Variants in MYH2 observed in about 807,000 individuals in gnomAD.
MYH2 encodes myosin heavy chain 2.
MYH2 carries 139 observed loss-of-function variants against 228.1 expected under a neutral mutation model. The ratio of observed to expected loss-of-function variants is 0.61; its 90% CI spans 0.53 to 0.70. The LOEUF (loss-of-function observed/expected upper bound fraction) is 0.70, where lower values mean the gene tolerates loss of function less well. Ranked by LOEUF, MYH2 falls within the 30% of genes least tolerant of loss-of-function variation. The probability of loss-of-function intolerance (pLI) is 0.00; values close to 1 mark genes in which losing one functional copy is unlikely to be tolerated. For missense variants in MYH2, 1,809 were observed against 2,357.5 expected (o/e 0.77, Z 4.82); for synonymous variants, 796 against 871.1 (o/e 0.91, Z 1.52).
intron 10 of MYH2, among the ~76,000 whole-genome samples, chr17:10,542,257 A>G (rs1200166140): frequency 2.0e-5 from 3 of 149,468 alleles, no homozygotes; most frequent in Non-Finnish European, 4.5e-5. Context: ...CTGGGTGACA[A>G]AGTGAGACTC....
At chr17:10,543,565 G>A (rs2073586310) in intron 8 of MYH2, 146 bp downstream of exon 8, 1 of 1,248,126 alleles carries the variant, frequency 8.0e-7, no homozygotes, top group Non-Finnish European at 1.1e-6. Flanking sequence ...ATGGGGCTTT[G>A]ATCTATGTTA....
chr17:10,546,779 TAAA>T (rs56672222), intron 4 of MYH2, among the ~76,000 whole-genome samples: 30 of 114,422 alleles, frequency 2.6e-4, no homozygotes, highest in African/African-American at 9.3e-4. Flanking sequence ...AATTTGTTTT[TAAA>T]AAAAAAAAAA....
chr17:10,534,312 G>A (rs571703367), intron 19 of MYH2, among the ~76,000 whole-genome samples: 3 of 152,332 alleles, frequency 2.0e-5, no homozygotes, highest in Non-Finnish European at 4.4e-5. Flanking sequence ...CAAAGGAAAT[G>A]ACAGAAAATG....
chr17:10,534,993 A>G (rs2073466650), intron 19 of MYH2, 80 bp downstream of exon 19: 15 of 1,459,978 alleles, frequency 1.0e-5, no homozygotes, highest in Admixed American at 1.7e-5. Context: ...GTAGAGGCAT[A>G]TGTTTCACTA....
At chr17:10,539,834 G>C in intron 12 of MYH2, 94 bp downstream of exon 12, 1 of 1,552,524 alleles carries the variant, frequency 6.4e-7, no homozygotes, top group Non-Finnish European at 8.9e-7. Flanking sequence ...ATTCTTAAAA[G>C]TGAATTTACC....
chr17:10,528,047 C>CTTTTTTTTT (rs71365770), intron 27 of MYH2, among the ~76,000 whole-genome samples, 173 bp from the exon 28 acceptor site: 10 of 131,854 alleles, frequency 7.6e-5, no homozygotes, highest in East Asian at 2.3e-4. Context: ...TTCTTTCTTT[C>CTTTTTTTTT]TTTTTTTTTT....
chr17:10,544,860 G>A (rs1024365945), intron 5 of MYH2, among the ~76,000 whole-genome samples: 3 of 152,110 alleles, frequency 2.0e-5, no homozygotes, highest in Non-Finnish European at 4.4e-5. Context: ...TGGGCAAAGG[G>A]CGATAGCATT....
At position 10,525,571 on chromosome 17, in the gene MYH2, G is replaced by A; in HGVS notation, c.4417C>T (p.Leu1473Phe). The A allele has an allele frequency of 6.2e-7, 1 of 1,614,208 alleles. No homozygotes were observed. The highest frequency in any genetic ancestry group is 8.5e-7 in the Non-Finnish European group (1 of 1,180,034). Residue 1473 changes from leucine (L) to phenylalanine (F), a missense_variant, in exon 32 of 40, where the codon CTT (leucine) becomes TTT (phenylalanine). Physicochemically the swap from Leu to Phe is conservative, Grantham distance 22. This residue lies in a region of MYH2 where 636 missense variants were observed against 729.9 expected (regional missense o/e 0.87). Coordinates refer to ENST00000245503, the MANE Select transcript of MYH2 (RefSeq NM_017534.6). This position sits in a 1 kb window ranked among gnomAD's most constrained non-coding sequence, Gnocchi z 4.2. Reference sequence around the variant, plus strand: ...CGGGCCTCCTTCTGGGAGGCCTCAAGCTCAGCATGCGTTTCCTCACATTTC... The same window carrying A: ...CGGGCCTCCTTCTGGGAGGCCTCAAACTCAGCATGCGTTTCCTCACATTTC... Reference protein sequence around the residue: ...KQKCEETHAELEASQKEARSL... With the variant: ...KQKCEETHAEFEASQKEARSL...
At chr17:10,542,809 A>T (rs1220778383) in intron 10 of MYH2, 66 bp downstream of exon 10, 2 of 1,073,464 alleles carry the variant, frequency 1.9e-6, no homozygotes, top group Middle Eastern at 2.6e-4. Flanking sequence ...ATAGAATACT[A>T]GGTTGGACTG....
chr17:10,532,233 A>G (rs2142304037), intron 21 of MYH2, among the ~76,000 whole-genome samples: 1 of 152,262 alleles, frequency 6.6e-6, no homozygotes, highest in South Asian at 2.1e-4. Context: ...CTGATGTTGC[A>G]AGTCCAAGGA....
Position 10,523,147 on chromosome 17 carries a change from A to G in MYH2, c.5616T>C (p.Asp1872=), listed in dbSNP as rs2073304426. The G allele has an allele frequency of 3.1e-6, 5 of 1,614,092 alleles. No individual in the cohort carries two copies. Among genetic ancestry groups the G allele is most frequent in the Non-Finnish European group, 4.2e-6 (5 of 1,179,956 alleles). Reference sequence around the variant, plus strand: ...CTTTTGCCTGAAGTTTATCTACCAAATCTTGAAGCCTGAGAATATTCTTTC... The same window carrying G: ...CTTTTGCCTGAAGTTTATCTACCAAGTCTTGAAGCCTGAGAATATTCTTTC... ...EDRKNILRLQ[D]LVDKLQAKVK... The change falls in exon 39 of 40, where the codon GAT becomes GAC. Residue 1872 remains aspartate (D), a synonymous_variant. Transcript: ENST00000245503.
At position 10,524,529 on chromosome 17, in the gene MYH2, G is replaced by C; in HGVS notation, c.5112C>G (p.Ser1704Arg). Residue 1704 changes from serine (S) to arginine (R), a missense_variant, in exon 35 of 40, where the codon AGC (serine) becomes AGG (arginine). Transcript: ENST00000245503. This position sits in a 1 kb window ranked among gnomAD's most constrained non-coding sequence, Gnocchi z 4.7. ...GGAGCTCCTGTTCTGCGATTTTTCT[G>C]CTCCTCTCTGTCTGTTCCAGAGTGG... ...LRATLEQTER[S>R]RKIAEQELLD... 1 of 1,614,178 alleles carries C rather than the reference G, an allele frequency of 6.2e-7. No homozygotes were observed.
intron 19 of MYH2, among the ~76,000 whole-genome samples, chr17:10,534,141 C>A (rs548426671): frequency 6.6e-6 from 1 of 152,272 alleles, no homozygotes; most frequent in South Asian, 2.1e-4. Context: ...CAGCTGCTAC[C>A]CAGTCCTTCC....
chr17:10,543,836 G>A (rs1427167368), intron 7 of MYH2, 33 bp from the exon 8 acceptor site: 1 of 1,613,714 alleles, frequency 6.2e-7, no homozygotes, highest in Non-Finnish European at 8.5e-7. Flanking sequence ...TGCATCTGGG[G>A]CTTGGGAATT....
intron 8 of MYH2, among the ~76,000 whole-genome samples, chr17:10,543,504 G>T (rs1299241113): frequency 6.6e-6 from 1 of 151,682 alleles, no homozygotes. Flanking sequence ...AGTAAGTGTA[G>T]ATCATGACAG....
At position 10,524,395 on chromosome 17, in the gene MYH2, T is replaced by A. The variant is rs767756077; in HGVS notation, c.5175+71A>T. Reference sequence around the variant, plus strand: ...AGACATATTAGGTCTAGCTGTCTTATGAAAACTCAGGCTTATCTATTCTGG... The same window carrying A: ...AGACATATTAGGTCTAGCTGTCTTAAGAAAACTCAGGCTTATCTATTCTGG... On this transcript the variant is annotated intron_variant, in intron 35 of 39. Coordinates refer to ENST00000245503, the MANE Select transcript of MYH2 (RefSeq NM_017534.6). The surrounding 1 kb of genome is among the most constrained non-coding windows in gnomAD (Gnocchi z 4.7). 131 of 1,597,612 alleles carry A rather than the reference T, an allele frequency of 8.2e-5. No homozygotes were observed. The highest frequency in any genetic ancestry group is 6.7e-5 in the Non-Finnish European group (78 of 1,165,168).
In MYH2 at chr17:10,528,782, G is replaced by A. The variant is rs1187271694; in HGVS notation, c.3652C>T (p.Arg1218Ter). Reference protein sequence around the residue: ...ELGEQIDNLQRVKQKLEKEKS... With the variant: ...ELGEQIDNLQ ...TCCTTCTCCAGCTTCTGCTTCACTCGCTGCAGGTTGTCAATCTGCTCCCCA... is the reference window on the plus strand; with the variant it reads ...TCCTTCTCCAGCTTCTGCTTCACTCACTGCAGGTTGTCAATCTGCTCCCCA... The change falls in exon 27 of 40, where the codon CGA becomes TGA. Residue 1218 changes from arginine (R) to a stop codon, truncating the protein, a stop_gained. Transcript: ENST00000245503. LOFTEE classifies it high-confidence loss of function. The A allele has an allele frequency of 5.6e-6, 9 of 1,613,994 alleles. No homozygotes were observed. The highest frequency in any genetic ancestry group is 1.6e-4 in the Middle Eastern group (1 of 6,062).
At position 10,524,983 on chromosome 17, in the gene MYH2, A is replaced by C. The variant is rs1220234241; in HGVS notation, c.4745T>G (p.Ile1582Ser). The C allele has an allele frequency of 6.2e-7, 1 of 1,613,860 alleles. No individual in the cohort carries two copies. ...GTCAATTTCCTCATCTTTTTCAGCA[A>C]TTTTCCTATCAACCTCAGACTTGAC... ...NQVKSEVDRK[I>S]AEKDEEIDQL... The change falls in exon 34 of 40, where the codon ATT becomes AGT. Residue 1582 changes from isoleucine to serine, a missense_variant. Ile to Ser is a moderately radical substitution (Grantham distance 142). Transcript: ENST00000245503. The surrounding 1 kb of genome is among the most constrained non-coding windows in gnomAD (Gnocchi z 4.7).
At position 10,542,814 on chromosome 17, in the gene MYH2, G is replaced by A. The variant is rs2073574016; in HGVS notation, c.904+61C>T. 11 of 1,125,346 alleles carry A rather than the reference G, an allele frequency of 9.8e-6. No homozygotes were observed. The South Asian group carries it at 1.3e-4, about 14-fold the overall frequency. The allele number at this position is 1,125,346 out of a possible 1,614,324, so 69.7% of individuals were successfully genotyped here. On this transcript the variant is annotated intron_variant, in intron 10 of 39. Transcript: ENST00000245503. Reference sequence around the variant, plus strand: ...AAATTCAGTCATAGAATACTAGGTTGGACTGTGCATTGATAGGTACTGATG... The same window carrying A: ...AAATTCAGTCATAGAATACTAGGTTAGACTGTGCATTGATAGGTACTGATG...
Sources: allele counts gnomAD v4.1 joint callset (sites outside exome capture counted in the v4.1 genomes callset), GRCh38; gene constraint gnomAD v4.1.1; regional missense constraint gnomAD v4.1.1; non-coding constraint Gnocchi (gnomAD v3.1); transcripts MANE v1.5; gene names NCBI Gene and HGNC (gene_info 2026-07-23, HGNC 2026-07-21).